Variants in PHACTR1 observed in about 807,000 individuals in gnomAD.
PHACTR1 encodes the protein RPEL repeat containing 1.
A neutral mutation model predicts 69.2 loss-of-function variants in PHACTR1; 16 were observed. The ratio of observed to expected loss-of-function variants is 0.23; its 90% confidence interval spans 0.16 to 0.35. The LOEUF (loss-of-function observed/expected upper bound fraction) is 0.35, where lower values mean the gene tolerates loss of function less well. Ranked by LOEUF, PHACTR1 falls within the 10% of genes least tolerant of loss-of-function variation. The pLI is 1.00. For missense variants in PHACTR1, 510 were observed against 734.7 expected, an observed-to-expected ratio of 0.69 and a Z score of 3.54; for synonymous variants, 312 against 284.5, an observed-to-expected ratio of 1.10 and a Z score of -0.97.
At chr6:12,835,038 A>T (rs747874670) in intron 4 of PHACTR1, among the ~76,000 whole-genome samples, 2 of 152,172 alleles carry the variant, frequency 1.3e-5, no homozygotes, top group Admixed American at 6.6e-5. Context: ...TGAGCTTAGG[A>T]TGAAAAGCTA....
intron 5 of PHACTR1, among the ~76,000 whole-genome samples, chr6:13,059,792 A>G (rs560534433): frequency 6.6e-6 from 1 of 152,122 alleles, no homozygotes; most frequent in Non-Finnish European, 1.5e-5. Flanking sequence ...AGGTGTGTAG[A>G]TATGTGTTTG....
chr6:12,738,902 C>T (rs1764672775), intron 3 of PHACTR1, among the ~76,000 whole-genome samples: 1 of 151,962 alleles, frequency 6.6e-6, no homozygotes, highest in African/African-American at 2.4e-5. Context: ...AAGAGCCTTC[C>T]CCTATTCTGA....
chr6:13,228,872 A>G (rs1025888734), intron 9 of PHACTR1, among the ~76,000 whole-genome samples: 1 of 152,218 alleles, frequency 6.6e-6, no homozygotes, highest in African/African-American at 2.4e-5. Flanking sequence ...TCTGAAGCTC[A>G]TGTTCTAAAA....
intron 4 of PHACTR1, among the ~76,000 whole-genome samples, chr6:12,879,643 A>C (rs934780613): frequency 2.0e-5 from 3 of 152,168 alleles, no homozygotes; most frequent in African/African-American, 7.2e-5. Context: ...AATAGCCAAC[A>C]CATATTGAGT....
chr6:13,163,454 G>A (rs1759343986), intron 6 of PHACTR1, among the ~76,000 whole-genome samples: 1 of 152,176 alleles, frequency 6.6e-6, no homozygotes, highest in Admixed American at 6.5e-5. Context: ...GGCCTCAGAG[G>A]CTGCGATTCC....
At chr6:13,073,331 A>ATTTTTTTTTTTTTTTTTTTTTTTT (rs10664160) in intron 5 of PHACTR1, among the ~76,000 whole-genome samples, 1 of 65,672 alleles carries the variant, frequency 1.5e-5, no homozygotes, top group African/African-American at 6.8e-5. Flanking sequence ...CATTCCATGA[A>ATTTTTTTTTTTTTTTTTTTTTTTT]TTTTTTTTTT....
intron 4 of PHACTR1, among the ~76,000 whole-genome samples, chr6:12,889,710 C>T (rs1582310559): frequency 2.6e-5 from 4 of 151,772 alleles, no homozygotes; most frequent in African/African-American, 9.7e-5. Context: ...GAGCAAAAAT[C>T]CTCCAAGGTT....
intron 5 of PHACTR1, among the ~76,000 whole-genome samples, chr6:13,082,760 C>A (rs1348526948): frequency 6.6e-6 from 1 of 152,186 alleles, no homozygotes; most frequent in Non-Finnish European, 1.5e-5. Flanking sequence ...TGAGAAGTGT[C>A]TGTTCATATC....
chr6:13,250,205 G>T (rs1179604323), intron 10 of PHACTR1, among the ~76,000 whole-genome samples: 7 of 152,142 alleles, frequency 4.6e-5, no homozygotes, highest in Non-Finnish European at 7.3e-5. Context: ...CTAGACTGAG[G>T]ACATTAGAGA....
At chr6:12,770,752 T>C (rs1048955996) in intron 4 of PHACTR1, among the ~76,000 whole-genome samples, 1 of 152,102 alleles carries the variant, frequency 6.6e-6, no homozygotes, top group Non-Finnish European at 1.5e-5. Flanking sequence ...GTGAATGTGA[T>C]GTAGCATAAG....
intron 5 of PHACTR1, among the ~76,000 whole-genome samples, chr6:13,111,856 AG>A (rs1583408376): frequency 6.6e-6 from 1 of 151,984 alleles, no homozygotes; most frequent in Admixed American, 6.6e-5. Flanking sequence ...TTTTAGCTCT[AG>A]GATATTTACT....
At chr6:13,127,234 G>A (rs922844851) in intron 5 of PHACTR1, among the ~76,000 whole-genome samples, 8 of 152,114 alleles carry the variant, frequency 5.3e-5, no homozygotes, top group Non-Finnish European at 1.2e-4. Flanking sequence ...GTGTAAGAAG[G>A]GCATCTTTCA....
intron 6 of PHACTR1, among the ~76,000 whole-genome samples, chr6:13,169,681 C>T (rs1760313761): frequency 6.6e-6 from 1 of 152,066 alleles, no homozygotes; most frequent in South Asian, 2.1e-4. Context: ...TCAAATAAGA[C>T]AAGGAATGAG....
At chr6:12,883,446 C>T (rs950374353) in intron 4 of PHACTR1, among the ~76,000 whole-genome samples, 1 of 151,946 alleles carries the variant, frequency 6.6e-6, no homozygotes, top group South Asian at 2.1e-4. Flanking sequence ...AACTCCTGAC[C>T]CCAGGTGATC....
chr6:13,270,516 A>C (rs1449976727), intron 10 of PHACTR1, among the ~76,000 whole-genome samples: 1 of 152,214 alleles, frequency 6.6e-6, no homozygotes, highest in East Asian at 1.9e-4. Context: ...GACTCATTCC[A>C]AGTAACAAAA....
chr6:12,901,590 G>C (rs1258977636), intron 4 of PHACTR1, among the ~76,000 whole-genome samples: 2 of 152,168 alleles, frequency 1.3e-5, no homozygotes, highest in Non-Finnish European at 2.9e-5. Flanking sequence ...CGCCTCCTGG[G>C]TTCAAGCAAT....
At chr6:12,915,564 A>G (rs184296924) in intron 4 of PHACTR1, among the ~76,000 whole-genome samples, 115 of 151,936 alleles carry the variant, frequency 7.6e-4, no homozygotes, top group Non-Finnish European at 1.3e-3. Context: ...TCTTCCTGCA[A>G]TGTCCCTCCA....
intron 4 of PHACTR1, among the ~76,000 whole-genome samples, chr6:12,941,378 T>A (rs1202296211): frequency 6.6e-6 from 1 of 151,714 alleles, no homozygotes; most frequent in Non-Finnish European, 1.5e-5. Context: ...ATGGCATAAA[T>A]CACCTCTGTA....
rs185603370 is a variant in PHACTR1 at position 12,955,217 on chromosome 6, G to A, written c.251-98148G>A. On this transcript the variant is annotated intron_variant, in intron 4 of 14. Transcript: ENST00000332995. ...CTTTTTTTTTTTTTTTTTTTTGAGA[G>A]AGATAGCATCTTGCTTTGTTGCCCA... Among the ~76,000 whole-genome samples the A allele has an allele frequency of 9.1e-3, 686 of 75,612 alleles. 1 individual carries two copies. The highest frequency in any genetic ancestry group is 0.011 in the Non-Finnish European group (494 of 45,702). 49.6% of individuals were successfully genotyped at this position (75,612 alleles called of 152,430 possible).
Sources: allele counts gnomAD v4.1 joint callset (sites outside exome capture counted in the v4.1 genomes callset), GRCh38; gene constraint gnomAD v4.1.1; transcripts MANE v1.5; gene names NCBI Gene and HGNC (gene_info 2026-07-23, HGNC 2026-07-21).